RARB: variants seen among roughly 807,000 people sequenced by gnomAD.
The protein encoded by RARB is HBV-activated protein.
RARB carries 17 observed loss-of-function variants against 51.9 expected under a neutral mutation model. The ratio of observed to expected loss-of-function variants is 0.33; its 90% CI spans 0.22 to 0.49. The LOEUF is 0.49. Among genes scored for constraint, RARB ranks in the 20% least tolerant of loss-of-function variants. The pLI is 0.99. For synonymous variants in RARB, 215 were observed against 195.4 expected (o/e 1.10, Z -0.84); for missense variants, 369 against 550.8 (o/e 0.67, Z 3.30).
chr3:24,852,690 G>A (rs1461965410), intron 1 of RARB, among the ~76,000 whole-genome samples: 1 of 152,196 alleles, frequency 6.6e-6, no homozygotes, highest in African/African-American at 2.4e-5. Context: ...GTACTGATAT[G>A]TGCTGCAACA....
chr3:25,005,712 C>T lies in RARB; in HGVS notation c.-379-54413C>T, dbSNP rs560944131. 6.6e-5 allele frequency among the ~76,000 whole-genome samples: 10 copies of T among 152,234 alleles called. No individual in the cohort carries two copies. The South Asian group carries it at 1.2e-3, about 19-fold the overall frequency. On this transcript the variant is annotated intron_variant, in intron 2 of 11. Coordinates refer to the RARB transcript ENST00000383772. ...GGGACTACACAAGAGTATGACTACTCGAAGCGGAAATCAATGAAAGCTATC... is the reference window on the plus strand; with the variant it reads ...GGGACTACACAAGAGTATGACTACTTGAAGCGGAAATCAATGAAAGCTATC...
upstream of RARB, among the ~76,000 whole-genome samples, chr3:25,426,641 C>A (rs952960439): frequency 6.6e-6 from 1 of 152,270 alleles, no homozygotes; most frequent in East Asian, 1.9e-4. Flanking sequence ...GAGACTCTCC[C>A]TCCCTGCCTA....
chr3:25,194,522 T>G (rs1017774406), intron 5 of RARB, among the ~76,000 whole-genome samples: 5 of 149,196 alleles, frequency 3.4e-5, no homozygotes, highest in Non-Finnish European at 6.0e-5. Context: ...TATATGTTGA[T>G]ATATATATAT....
intron 5 of RARB, among the ~76,000 whole-genome samples, chr3:25,200,514 G>T (rs1020900934): frequency 5.3e-5 from 8 of 152,048 alleles, no homozygotes; most frequent in African/African-American, 1.9e-4. Flanking sequence ...TGAAGTCCTT[G>T]CCCATGTCTA....
At chr3:24,924,278 T>C (rs1695272897) in intron 2 of RARB, among the ~76,000 whole-genome samples, 1 of 152,190 alleles carries the variant, frequency 6.6e-6, no homozygotes, top group Admixed American at 6.5e-5. Flanking sequence ...CAAATGAATT[T>C]CTATATTCTT....
At chr3:25,321,267 A>T (rs1445441710) in intron 5 of RARB, among the ~76,000 whole-genome samples, 1 of 152,216 alleles carries the variant, frequency 6.6e-6, no homozygotes, top group Non-Finnish European at 1.5e-5. Flanking sequence ...ATGTACAGGG[A>T]AAAACCATGA....
At chr3:25,378,502 T>C (rs926153928) in intron 5 of RARB, among the ~76,000 whole-genome samples, 1 of 152,234 alleles carries the variant, frequency 6.6e-6, no homozygotes, top group Non-Finnish European at 1.5e-5. Flanking sequence ...AAATCTATTC[T>C]ATTTAAACTT....
intron 2 of RARB, among the ~76,000 whole-genome samples, chr3:24,972,626 C>G (rs6802439): frequency 0.69 from 104,570 of 151,878 alleles, 36,394 homozygotes; most frequent in East Asian, 0.84. Flanking sequence ...AAGGGTTCCC[C>G]TTTCTCCACA....
chr3:25,417,198 T>TA (rs35119404), intron 5 of RARB, among the ~76,000 whole-genome samples: 41,363 of 141,410 alleles, frequency 0.29, 5,647 homozygotes, highest in Middle Eastern at 0.34. Context: ...AAAAACCAAT[T>TA]AAAAAAAAAA....
At chr3:25,487,318 G>A (rs1260793951) in intron 2 of RARB, among the ~76,000 whole-genome samples, 1 of 152,192 alleles carries the variant, frequency 6.6e-6, no homozygotes, top group African/African-American at 2.4e-5. Flanking sequence ...TCCTCAGCGT[G>A]CGATGTGGTT....
At chr3:24,981,330 G>A (rs991401267) in intron 2 of RARB, among the ~76,000 whole-genome samples, 1 of 152,212 alleles carries the variant, frequency 6.6e-6, no homozygotes, top group Non-Finnish European at 1.5e-5. Flanking sequence ...GCTTAAGTCT[G>A]TAGAAGCTGT....
chr3:24,874,085 G>T (rs1280588919), intron 2 of RARB, among the ~76,000 whole-genome samples: 1 of 151,982 alleles, frequency 6.6e-6, no homozygotes, highest in East Asian at 1.9e-4. Flanking sequence ...GATGTGTGTA[G>T]GTTATATGCA....
At chr3:25,347,304 T>A in intron 5 of RARB, among the ~76,000 whole-genome samples, 1 of 152,112 alleles carries the variant, frequency 6.6e-6, no homozygotes, top group South Asian at 2.1e-4. Flanking sequence ...AAGTGAAAAA[T>A]GGATGAGGCT....
At chr3:25,456,674 TATATATATAG>T (rs1281606891) in intron 1 of RARB, among the ~76,000 whole-genome samples, 45 of 113,178 alleles carry the variant, frequency 4.0e-4, no homozygotes, top group African/African-American at 1.4e-3. Flanking sequence ...TATATATATA[TATATATATAG>T]AGAGAGAGAG....
chr3:25,574,338 G>A (rs1463694967), intron 4 of RARB, among the ~76,000 whole-genome samples: 1 of 152,212 alleles, frequency 6.6e-6, no homozygotes, highest in Non-Finnish European at 1.5e-5. Context: ...TCCACCTCCT[G>A]CCTGGAGGGT....
intron 2 of RARB, among the ~76,000 whole-genome samples, chr3:25,035,701 A>G (rs529898759): frequency 2.0e-5 from 3 of 152,308 alleles, no homozygotes; most frequent in Admixed American, 2.0e-4. Context: ...TGTGTACCCT[A>G]CCATCTCTAT....
At chr3:24,931,129 A>G (rs1444529739) in intron 2 of RARB, among the ~76,000 whole-genome samples, 1 of 152,110 alleles carries the variant, frequency 6.6e-6, no homozygotes, top group Non-Finnish European at 1.5e-5. Flanking sequence ...TTCACAGTCT[A>G]TACTTTTAAG....
chr3:25,411,071 T>A (rs1707549159), intron 5 of RARB, among the ~76,000 whole-genome samples: 1 of 152,244 alleles, frequency 6.6e-6, no homozygotes, highest in African/African-American at 2.4e-5. Context: ...TTGTAACATA[T>A]CCTATACCTT....
At chr3:25,594,193 G>A (rs1476892115) in intron 6 of RARB, among the ~76,000 whole-genome samples, 1 of 152,144 alleles carries the variant, frequency 6.6e-6, no homozygotes, top group Non-Finnish European at 1.5e-5. Context: ...TTTAATTAAG[G>A]AGCAGATTTA....
Sources: allele counts gnomAD v4.1 joint callset (sites outside exome capture counted in the v4.1 genomes callset), GRCh38; gene constraint gnomAD v4.1.1; transcripts MANE v1.5; gene names NCBI Gene and HGNC (gene_info 2026-07-23, HGNC 2026-07-21).